The following FLVCR1 variants were observed in gnomAD, a reference collection of about 807,000 sequenced individuals.
The protein encoded by FLVCR1 is FLVCR choline and heme transporter 1.
Under a neutral mutation model 53.6 loss-of-function variants are expected in FLVCR1, and 34 were observed. The ratio of observed to expected loss-of-function variants is 0.63; its 90% CI spans 0.48 to 0.84. The LOEUF (loss-of-function observed/expected upper bound fraction) is 0.84, where lower values mean the gene tolerates loss of function less well. Ranked by LOEUF, FLVCR1 falls within the 40% of genes least tolerant of loss-of-function variation. The pLI is 0.00. For missense variants in FLVCR1, 677 were observed against 696.7 expected, an observed-to-expected ratio of 0.97 and a Z score of 0.32; for synonymous variants, 300 against 286.3, an observed-to-expected ratio of 1.05 and a Z score of -0.48.
In FLVCR1 at chr1:212,858,648, G is replaced by T. The variant is rs1337637090; in HGVS notation, c.196G>T (p.Gly66Trp). Residue 66 changes from glycine to tryptophan, a missense_variant, in exon 1 of 10, where the codon GGG becomes TGG. Transcript: ENST00000366971. ...SLAAASGVLG[G>W]PQTPLAPEEE... is the part of the protein sequence containing the mutation. ...CGCTGCCGCCTCGGGAGTTCTGGGC[G>T]GGCCTCAGACTCCACTGGCCCCAGA... 6.5e-7 allele frequency: 1 copy of T among 1,542,550 alleles called. No homozygotes were observed. The highest frequency in any genetic ancestry group is 1.4e-5 in the African/African-American group (1 of 73,070).
intron 1 of FLVCR1, among the ~76,000 whole-genome samples, chr1:212,859,445 C>T (rs1368443627): frequency 6.6e-6 from 1 of 152,126 alleles, no homozygotes; most frequent in Non-Finnish European, 1.5e-5. Context: ...GGGCCGGGCG[C>T]GGTGGCACAC....
intron 8 of FLVCR1, among the ~76,000 whole-genome samples, chr1:212,890,362 A>T (rs532072682): frequency 6.6e-6 from 1 of 152,294 alleles, no homozygotes; most frequent in South Asian, 2.1e-4. Flanking sequence ...AATACTTCCC[A>T]GGGGCGTCCA....
At chr1:212,883,471 G>C (rs1180769426) in intron 4 of FLVCR1, 33 bp downstream of exon 4, 1 of 1,325,136 alleles carries the variant, frequency 7.5e-7, no homozygotes, top group Non-Finnish European at 1.1e-6. Context: ...TTGCATGCCT[G>C]GCCAAAAATT....
intron 1 of FLVCR1, among the ~76,000 whole-genome samples, chr1:212,860,984 TGTC>T (rs1211666032): frequency 1.3e-5 from 2 of 151,852 alleles, no homozygotes; most frequent in Non-Finnish European, 2.9e-5. Flanking sequence ...TAGCCCTTGC[TGTC>T]TTCCCTCTGT....
Position 212,858,413 on chromosome 1 carries a change from G to A in FLVCR1, c.-40G>A. On this transcript the variant is annotated 5_prime_UTR_variant, in exon 1 of 10. The change creates a new upstream start codon in the 5' untranslated region. Coordinates refer to ENST00000366971, the MANE Select transcript of FLVCR1 (RefSeq NM_014053.4). ...TGGGCCGGGAGAGCGGAGTCGGGGAGTGGGGCGGGGGAGCGAGGTGGCGCC... is the reference window on the plus strand; with the variant it reads ...TGGGCCGGGAGAGCGGAGTCGGGGAATGGGGCGGGGGAGCGAGGTGGCGCC... 1 of 1,423,276 alleles carries A rather than the reference G, an allele frequency of 7.0e-7. No individual in the cohort carries two copies. The highest frequency in any genetic ancestry group is 9.2e-7 in the Non-Finnish European group (1 of 1,091,036). The allele number at this position is 1,423,276 out of a possible 1,614,324, so 88.2% of individuals were successfully genotyped here. A position where few individuals can be genotyped will look rare whatever the true frequency, so the allele number is the denominator to read the frequency against.
At chr1:212,868,046 G>A (rs1208600477) in intron 2 of FLVCR1, among the ~76,000 whole-genome samples, 1 of 151,870 alleles carries the variant, frequency 6.6e-6, no homozygotes, top group Non-Finnish European at 1.5e-5. Flanking sequence ...CTCATGATTC[G>A]CCCACCTCAG....
At chr1:212,873,342 A>G (rs891939962) in intron 3 of FLVCR1, among the ~76,000 whole-genome samples, 1 of 151,946 alleles carries the variant, frequency 6.6e-6, no homozygotes, top group African/African-American at 2.4e-5. Flanking sequence ...AAAGAAAAGT[A>G]GTTCTCAAAT....
At chr1:212,892,027 C>T (rs944685815) in intron 8 of FLVCR1, among the ~76,000 whole-genome samples, 5 of 152,122 alleles carry the variant, frequency 3.3e-5, no homozygotes, top group Non-Finnish European at 7.3e-5. Flanking sequence ...ATTCTGTGAA[C>T]GTTGAAAGAG....
At chr1:212,890,330 G>C (rs1429859873) in intron 8 of FLVCR1, among the ~76,000 whole-genome samples, 1 of 152,126 alleles carries the variant, frequency 6.6e-6, no homozygotes, top group Non-Finnish European at 1.5e-5. Context: ...GTACATAGGA[G>C]GATGTGTGTA....
At chr1:212,893,071 G>GA (rs1665235943) in intron 8 of FLVCR1, among the ~76,000 whole-genome samples, 1 of 148,198 alleles carries the variant, frequency 6.7e-6, no homozygotes, top group South Asian at 2.1e-4. Context: ...TTTTTGGGGG[G>GA]GGGTGCCGGA....
Position 212,858,492 on chromosome 1 carries a change from C to T in FLVCR1, c.40C>T (p.Pro14Ser), listed in dbSNP as rs111734301. The change falls in exon 1 of 10, where the codon CCC (proline) becomes TCC (serine). Residue 14 changes from proline (P) to serine (S), a missense_variant. Pro to Ser is a moderately conservative substitution (Grantham distance 74). Transcript: ENST00000366971. ...CGATGAGGAGGGGGCGGCGGTGGCG[C>T]CCGGACACCCGCTCGCGAAAGGATA... ...PDDEEGAAVAPGHPLAKGYLP... is the reference protein window; with the variant it reads ...PDDEEGAAVASGHPLAKGYLP... 5.7e-5 allele frequency: 83 copies of T among 1,445,420 alleles called. 1 individual carries two copies. The African/African-American group carries it at 9.3e-4, about 16-fold the overall frequency. 89.5% of individuals were successfully genotyped at this position (1,445,420 alleles called of 1,614,324 possible).
intron 1 of FLVCR1, 91 bp from the exon 2 acceptor site, chr1:212,863,634 C>A: frequency 1.5e-5 from 16 of 1,058,400 alleles, no homozygotes; most frequent in Non-Finnish European, 2.2e-5. Context: ...CCTTTATAAA[C>A]ACTAGCTGTC....
intron 2 of FLVCR1, among the ~76,000 whole-genome samples, chr1:212,866,278 C>A (rs1664426135): frequency 6.6e-6 from 1 of 151,866 alleles, no homozygotes; most frequent in African/African-American, 2.4e-5. Context: ...AGCCACCGAG[C>A]CCGGCCTTTT....
chr1:212,867,939 G>T (rs1385769033), intron 2 of FLVCR1, among the ~76,000 whole-genome samples: 1 of 151,490 alleles, frequency 6.6e-6, no homozygotes, highest in Non-Finnish European at 1.5e-5. Flanking sequence ...GAGTAGCTGG[G>T]ACTACAGGCA....
chr1:212,872,965 A>G, intron 3 of FLVCR1, 147 bp downstream of exon 3: 2 of 780,878 alleles, frequency 2.6e-6, no homozygotes, highest in Non-Finnish European at 4.2e-6. Context: ...AAAAGCAGAA[A>G]ATCCAGGATG....
chr1:212,862,062 G>A (rs1240207096), intron 1 of FLVCR1, among the ~76,000 whole-genome samples: 12 of 151,882 alleles, frequency 7.9e-5, no homozygotes, highest in Admixed American at 6.6e-4. Flanking sequence ...TCCTCCTCAC[G>A]CCCTTCCTCC....
At chr1:212,880,163 G>T (rs1664884829) in intron 3 of FLVCR1, among the ~76,000 whole-genome samples, 1 of 152,154 alleles carries the variant, frequency 6.6e-6, no homozygotes, top group African/African-American at 2.4e-5. Flanking sequence ...CTTGAGCTCA[G>T]TGGGAAGTTG....
intron 8 of FLVCR1, among the ~76,000 whole-genome samples, chr1:212,891,270 G>GT (rs11464979): frequency 0.08 from 12,113 of 151,978 alleles, 748 homozygotes; most frequent in African/African-American, 0.16. Flanking sequence ...ACTTTAGCCA[G>GT]TTTTATGGGC....
At chr1:212,862,615 G>A (rs1664280162) in intron 1 of FLVCR1, among the ~76,000 whole-genome samples, 1 of 152,150 alleles carries the variant, frequency 6.6e-6, no homozygotes, top group African/African-American at 2.4e-5. Flanking sequence ...TTTGGTTATT[G>A]TGGTAATGTG....
Sources: allele counts gnomAD v4.1 joint callset (sites outside exome capture counted in the v4.1 genomes callset), GRCh38; gene constraint gnomAD v4.1.1; transcripts MANE v1.5; gene names NCBI Gene and HGNC (gene_info 2026-07-23, HGNC 2026-07-21).